The following POLH variants were observed in gnomAD, a reference collection of about 807,000 sequenced individuals.
POLH encodes DNA polymerase eta transcript.
In POLH, 53 loss-of-function variants were observed where a neutral mutation model predicts 73.6. The observed-to-expected ratio is 0.72, with a 90% CI of 0.58 to 0.91. The LOEUF (loss-of-function observed/expected upper bound fraction) is 0.91, where lower values mean the gene tolerates loss of function less well. POLH is among the 40% of genes least tolerant of loss of function. The pLI is 0.00. For synonymous variants in POLH, 292 were observed against 308.5 expected (o/e 0.95, Z 0.56); for missense variants, 768 against 865.4 (o/e 0.89, Z 1.41).
Position 43,615,660 on chromosome 6 carries a change from A to AG in POLH, c.*1106dup, listed in dbSNP as rs1491248494. The AG allele has an allele frequency of 2.6e-5, 4 of 151,488 alleles. No individual in the cohort carries two copies. Among genetic ancestry groups the AG allele is most frequent in the Non-Finnish European group, 5.9e-5 (4 of 67,818 alleles). The allele number at this position is 151,488 out of a possible 1,614,324, so 9.4% of individuals were successfully genotyped here. ...AGACTTGCATAGTTAAAAAAAAAAA[A>AG]GGGATTATTTTTATTTTTATTTTTT... On this transcript the variant is annotated 3_prime_UTR_variant, in exon 11 of 11. Coordinates refer to ENST00000372236, the MANE Select transcript of POLH (RefSeq NM_006502.3).
At chr6:43,595,883 A>G (rs1216061154) in intron 4 of POLH, among the ~76,000 whole-genome samples, 1 of 152,038 alleles carries the variant, frequency 6.6e-6, no homozygotes, top group East Asian at 1.9e-4. Context: ...TGAAACACCA[A>G]GGCTTGCACA....
chr6:43,617,094 G>T lies in POLH; in HGVS notation c.*2537G>T, dbSNP rs757791454. On this transcript the variant is annotated 3_prime_UTR_variant, in exon 11 of 11. Transcript: ENST00000372236. ...AATCCCAGCTAGTTGGGAGGCTGAG[G>T]CAGGAGAATCACTTGAACCTGGGAG... 2.0e-5 allele frequency among the ~76,000 whole-genome samples: 3 copies of T among 152,136 alleles called. No homozygotes were observed. Among genetic ancestry groups the T allele is most frequent in the Admixed American group, 6.5e-5 (1 of 15,284 alleles).
Position 43,617,867 on chromosome 6 carries a change from C to T in POLH, c.*3310C>T, listed in dbSNP as rs1768452764. On this transcript the variant is annotated 3_prime_UTR_variant, in exon 11 of 11. Transcript: ENST00000372236. ...CCTGGGAGGCGGAGCTTGCAGTGAGCCCAGATCGTGCCACTGCACTGCACC... is the reference window on the plus strand; with the variant it reads ...CCTGGGAGGCGGAGCTTGCAGTGAGTCCAGATCGTGCCACTGCACTGCACC... 6.6e-6 allele frequency among the ~76,000 whole-genome samples: 1 copy of T among 152,060 alleles called. No individual in the cohort carries two copies. Among genetic ancestry groups the T allele is most frequent in the South Asian group, 2.1e-4 (1 of 4,826 alleles).
chr6:43,614,023 T>C lies in POLH; in HGVS notation c.1608T>C (p.Ser536=). Residue 536 remains serine, a synonymous_variant, in exon 11 of 11, where the codon AGT becomes AGC. Transcript: ENST00000372236. ...TGTEPFFKQK[S]LLLKQKQLNN... ...CTGAGCCCTTCTTTAAGCAGAAAAG[T>C]CTGCTTCTAAAGCAGAAACAGCTTA... The C allele has an allele frequency of 6.2e-7, 1 of 1,614,136 alleles. No homozygotes were observed. Among genetic ancestry groups the C allele is most frequent in the Non-Finnish European group, 8.5e-7 (1 of 1,180,040 alleles).
At chr6:43,607,406 T>C (rs1425652876) in intron 9 of POLH, among the ~76,000 whole-genome samples, 34 of 152,228 alleles carry the variant, frequency 2.2e-4, no homozygotes, top group Admixed American at 2.2e-3. Flanking sequence ...ACTGACACCT[T>C]TTTATGGCTG....
At chr6:43,578,888 T>A (rs1280527357) in intron 1 of POLH, among the ~76,000 whole-genome samples, 1 of 152,204 alleles carries the variant, frequency 6.6e-6, no homozygotes, top group Non-Finnish European at 1.5e-5. Context: ...CATTTCCCCA[T>A]GACTAATGAT....
At chr6:43,577,182 A>G (rs1349190831) in intron 1 of POLH, among the ~76,000 whole-genome samples, 1 of 152,246 alleles carries the variant, frequency 6.6e-6, no homozygotes, top group African/African-American at 2.4e-5. Context: ...CGTCTCAAAA[A>G]TAAATAAATA....
In POLH at chr6:43,617,515, T is replaced by A. The variant is rs1005371786; in HGVS notation, c.*2958T>A. Among the ~76,000 whole-genome samples, 6 of 151,852 alleles carry A rather than the reference T, an allele frequency of 4.0e-5. No individual in the cohort carries two copies. Among genetic ancestry groups the A allele is most frequent in the Admixed American group, 2.0e-4 (3 of 15,218 alleles). ...GGTGACGCATGCGTGTAATCCCAGC[T>A]ACTTAGGAGGCTGAGGCAGGAGAAT... On this transcript the variant is annotated 3_prime_UTR_variant, in exon 11 of 11. Coordinates refer to ENST00000372236, the MANE Select transcript of POLH (RefSeq NM_006502.3).
chr6:43,580,873 C>T (rs1237096250), intron 1 of POLH, among the ~76,000 whole-genome samples: 13 of 145,222 alleles, frequency 9.0e-5, no homozygotes, highest in East Asian at 6.4e-4. Context: ...CCAGACGGGG[C>T]GGCTGGCCGG....
In POLH at chr6:43,610,671, G is replaced by T. The variant is rs771984623; in HGVS notation, c.1192G>T (p.Asp398Tyr). 35 of 1,613,472 alleles carry T rather than the reference G, an allele frequency of 2.2e-5. No homozygotes were observed. The highest frequency in any genetic ancestry group is 3.0e-5 in the Non-Finnish European group (35 of 1,179,912). The change falls in exon 10 of 11, where the codon GAT becomes TAT. Residue 398 changes from aspartate to tyrosine, a missense_variant. Asp to Tyr is a radical substitution (Grantham distance 160). Coordinates refer to ENST00000372236, the MANE Select transcript of POLH (RefSeq NM_006502.3). ...TRYDAHKMSH[D>Y]AFTVIKNCNT... ...CTATGATGCTCACAAGATGAGCCAT[G>T]ATGCATTTACTGTCATCAAGAACTG...
chr6:43,605,312 G>T lies in POLH; in HGVS notation c.1067G>T (p.Arg356Leu), dbSNP rs560145056. 2 of 1,567,188 alleles carry T rather than the reference G, an allele frequency of 1.3e-6. No individual in the cohort carries two copies. Among genetic ancestry groups the T allele is most frequent in the Non-Finnish European group, 1.8e-6 (2 of 1,138,008 alleles). The change falls in exon 9 of 11, where the codon CGA becomes CTA. Residue 356 changes from arginine (R) to leucine (L), a missense_variant. By Grantham distance (102) the Arg-to-Leu change is moderately radical (BLOSUM62 -2). Coordinates refer to ENST00000372236, the MANE Select transcript of POLH (RefSeq NM_006502.3). ...CTAGAGGAGAGACTGACTAAAGACC[G>T]AAATGATGTAAGATTTTCTTTCTTT... ...QELEERLTKD[R>L]NDNDRVATQL...
In POLH at chr6:43,614,171, G is replaced by C. The variant is rs765975685; in HGVS notation, c.1756G>C (p.Glu586Gln). The change falls in exon 11 of 11, where the codon GAA becomes CAA. Residue 586 changes from glutamate (E) to glutamine (Q), a missense_variant. Physicochemically the swap from Glu to Gln is conservative, Grantham distance 29 (BLOSUM62 2). Transcript: ENST00000372236. ...PVCEGVSKLE[E>Q]SSKATPAEMD... ...TTGTGAAGGGGTGTCGAAGCTAGAA[G>C]AATCCTCTAAAGCAACTCCTGCAGA... The C allele has an allele frequency of 2.9e-5, 47 of 1,614,066 alleles. No homozygotes were observed. Among genetic ancestry groups the C allele is most frequent in the Admixed American group, 6.7e-5 (4 of 59,992 alleles).
intron 5 of POLH, among the ~76,000 whole-genome samples, chr6:43,599,186 A>G (rs918948943): frequency 6.6e-6 from 1 of 151,614 alleles, no homozygotes; most frequent in African/African-American, 2.4e-5. Context: ...ACAGGGTTTC[A>G]CCATATTGGC....
intron 8 of POLH, 61 bp downstream of exon 8, chr6:43,604,799 G>A (rs1767097886): frequency 1.3e-6 from 2 of 1,590,022 alleles, no homozygotes; most frequent in East Asian, 2.2e-5. Flanking sequence ...GTAGGTTTTG[G>A]TAGCTGTGGA....
At chr6:43,604,503 T>G in intron 7 of POLH, 112 bp from the exon 8 acceptor site, 2 of 1,238,382 alleles carry the variant, frequency 1.6e-6, no homozygotes, top group Admixed American at 2.0e-5. Flanking sequence ...TTGGACAAGG[T>G]TTTCCTTTTT....
At chr6:43,604,502 G>A in intron 7 of POLH, 113 bp from the exon 8 acceptor site, 6 of 1,230,324 alleles carry the variant, frequency 4.9e-6, no homozygotes, top group Non-Finnish European at 7.0e-6. Flanking sequence ...TTTGGACAAG[G>A]TTTTCCTTTT....
rs1167867787 is a variant in POLH, at chr6:43,616,421, C to T, written c.*1864C>T. On this transcript the variant is annotated 3_prime_UTR_variant, in exon 11 of 11. Transcript: ENST00000372236. Reference sequence around the variant, plus strand: ...CCAGCCTGGGCAAGGTGGCAAAACCCCGTCTCTACTAAAAAAAATTAGCTG... The same window carrying T: ...CCAGCCTGGGCAAGGTGGCAAAACCTCGTCTCTACTAAAAAAAATTAGCTG... Among the ~76,000 whole-genome samples the T allele has an allele frequency of 6.6e-6, 1 of 150,490 alleles. No homozygotes were observed. The highest frequency in any genetic ancestry group is 1.5e-5 in the Non-Finnish European group (1 of 67,722).
At chr6:43,583,910 T>G (rs1235815209) in intron 3 of POLH, among the ~76,000 whole-genome samples, 8 of 152,170 alleles carry the variant, frequency 5.3e-5, no homozygotes, top group Non-Finnish European at 8.8e-5. Flanking sequence ...GCAGATCACT[T>G]GAGTCCAGGA....
At chr6:43,599,189 A>G (rs1449957498) in intron 5 of POLH, among the ~76,000 whole-genome samples, 1 of 151,786 alleles carries the variant, frequency 6.6e-6, no homozygotes, top group East Asian at 1.9e-4. Context: ...GGGTTTCACC[A>G]TATTGGCCAG....
Sources: gnomAD v4.1 joint callset for allele counts (sites outside exome capture counted in the v4.1 genomes callset) on GRCh38, gnomAD v4.1.1 for gene constraint, MANE v1.5 for transcripts, NCBI Gene and HGNC (gene_info 2026-07-23, HGNC 2026-07-21) for gene names.